Variants in RSRC1 observed in about 807,000 individuals in gnomAD.
The protein encoded by RSRC1 is serine/Arginine-related protein 53.
A neutral mutation model predicts 49.1 loss-of-function variants in RSRC1; 39 were observed. That is an observed-to-expected ratio of 0.79 (90% confidence interval 0.61 to 1.04). The LOEUF (loss-of-function observed/expected upper bound fraction) is 1.04, where lower values mean the gene tolerates loss of function less well. Ranked by LOEUF, RSRC1 falls within the 50% of genes least tolerant of loss-of-function variation. The pLI, the probability that RSRC1 is intolerant of heterozygous loss-of-function variation, is 0.00. For missense variants in RSRC1, 388 were observed against 402.4 expected, an observed-to-expected ratio of 0.96 and a Z score of 0.31; for synonymous variants, 143 against 130.8, an observed-to-expected ratio of 1.09 and a Z score of -0.63.
chr3:158,374,797 T>C (rs1221454956), intron 6 of RSRC1, among the ~76,000 whole-genome samples: 1 of 152,164 alleles, frequency 6.6e-6, no homozygotes, highest in Non-Finnish European at 1.5e-5. Flanking sequence ...ATTTAATACT[T>C]TTTAATTTTT....
At chr3:158,387,113 G>C (rs1005758486) in intron 6 of RSRC1, among the ~76,000 whole-genome samples, 2 of 151,636 alleles carry the variant, frequency 1.3e-5, no homozygotes, top group Non-Finnish European at 2.9e-5. Flanking sequence ...TTCCAGATAT[G>C]ACCTCTGAGT....
At chr3:158,484,526 A>G (rs1401759478) in intron 7 of RSRC1, among the ~76,000 whole-genome samples, 1 of 152,144 alleles carries the variant, frequency 6.6e-6, no homozygotes, top group African/African-American at 2.4e-5. Context: ...TAAAGTGCAA[A>G]AATAACCTGT....
intron 8 of RSRC1, among the ~76,000 whole-genome samples, chr3:158,538,217 A>G (rs1188480135): frequency 2.6e-5 from 4 of 151,932 alleles, no homozygotes; most frequent in South Asian, 4.1e-4. Context: ...TTCAATTACC[A>G]TATACTTTTT....
At chr3:158,468,979 A>G (rs1738008940) in intron 7 of RSRC1, among the ~76,000 whole-genome samples, 1 of 152,156 alleles carries the variant, frequency 6.6e-6, no homozygotes, top group African/African-American at 2.4e-5. Context: ...TATTTGGTAT[A>G]TTACAACTTT....
chr3:158,297,198 G>T (rs994402971), intron 4 of RSRC1, among the ~76,000 whole-genome samples: 1 of 151,954 alleles, frequency 6.6e-6, no homozygotes, highest in African/African-American at 2.4e-5. Flanking sequence ...AATATTGCTT[G>T]ATCAGAATGA....
chr3:158,255,494 AGC>A (rs1724489944), intron 4 of RSRC1, among the ~76,000 whole-genome samples: 1 of 152,210 alleles, frequency 6.6e-6, no homozygotes, highest in Non-Finnish European at 1.5e-5. Context: ...GAAGTCAGGT[AGC>A]ATGATGCCTC....
chr3:158,136,477 G>A (rs1201798665), intron 3 of RSRC1, among the ~76,000 whole-genome samples: 1 of 152,022 alleles, frequency 6.6e-6, no homozygotes, highest in Non-Finnish European at 1.5e-5. Flanking sequence ...TTATTCTGTT[G>A]TATATTTGTA....
At chr3:158,272,355 G>A (rs1160897360) in intron 4 of RSRC1, among the ~76,000 whole-genome samples, 2 of 152,194 alleles carry the variant, frequency 1.3e-5, no homozygotes, top group East Asian at 1.9e-4. Context: ...GGAACCGGCA[G>A]GCTTGATTTG....
chr3:158,460,343 C>T, intron 6 of RSRC1, among the ~76,000 whole-genome samples: 1 of 151,888 alleles, frequency 6.6e-6, no homozygotes, highest in East Asian at 1.9e-4. Context: ...TAATCTTCCT[C>T]AACATCTGTA....
At chr3:158,116,766 G>T (rs553945529) in intron 1 of RSRC1, among the ~76,000 whole-genome samples, 3 of 152,160 alleles carry the variant, frequency 2.0e-5, no homozygotes, top group African/African-American at 7.2e-5. Context: ...ATCCCCAAGG[G>T]TCTACAGGCC....
At position 158,119,916 on chromosome 3, in the gene RSRC1, C is replaced by T. The variant is rs148545225; in HGVS notation, c.-2-2187C>T. Reference sequence around the variant, plus strand: ...CACTATCTCGGCTCACTGCAACCTCCGCCTCCCAGGTTCAAGCGATTCTCC... The same window carrying T: ...CACTATCTCGGCTCACTGCAACCTCTGCCTCCCAGGTTCAAGCGATTCTCC... On this transcript the variant is annotated intron_variant, in intron 1 of 9. Coordinates refer to ENST00000611884, the MANE Select transcript of RSRC1 (RefSeq NM_001271838.2). Among the ~76,000 whole-genome samples, 396 of 148,302 alleles carry T rather than the reference C, an allele frequency of 2.7e-3. 8 individuals carry two copies. The East Asian group carries it at 0.07, about 26-fold the overall frequency.
At chr3:158,421,378 A>G (rs1279697646) in intron 6 of RSRC1, among the ~76,000 whole-genome samples, 1 of 151,912 alleles carries the variant, frequency 6.6e-6, no homozygotes, top group Non-Finnish European at 1.5e-5. Context: ...CACCTGCCTA[A>G]GAAGAATAGA....
intron 3 of RSRC1, among the ~76,000 whole-genome samples, chr3:158,155,530 G>T (rs559021487): frequency 1.4e-3 from 217 of 151,850 alleles, no homozygotes; most frequent in Non-Finnish European, 2.4e-3. Flanking sequence ...TACCTCTCAG[G>T]CTGAAGTGAT....
rs557839162 is a variant in RSRC1, at chr3:158,164,975, A to G, written c.321-38097A>G. Among the ~76,000 whole-genome samples, 26 of 152,294 alleles carry G rather than the reference A, an allele frequency of 1.7e-4. No individual in the cohort carries two copies. In the East Asian group the frequency reaches 3.7e-3, roughly 21 times the overall value. On this transcript the variant is annotated intron_variant, in intron 3 of 9. Transcript: ENST00000611884. ...TCTTTTTGTCCCTGTTTCTCCCTAT[A>G]TAGCCTTCTTGAAGTTTCTCCAAAT...
intron 3 of RSRC1, among the ~76,000 whole-genome samples, chr3:158,149,688 T>C (rs1458944969): frequency 6.6e-6 from 1 of 152,174 alleles, no homozygotes; most frequent in Non-Finnish European, 1.5e-5. Flanking sequence ...TCCTTAAACA[T>C]TATACCTATT....
intron 6 of RSRC1, among the ~76,000 whole-genome samples, chr3:158,430,209 T>C (rs1486306329): frequency 6.6e-6 from 1 of 151,854 alleles, no homozygotes; most frequent in Non-Finnish European, 1.5e-5. Context: ...TAGTGGCTAT[T>C]GTTATTTAAA....
chr3:158,289,295 G>C (rs1197123502), intron 4 of RSRC1, among the ~76,000 whole-genome samples: 3 of 152,080 alleles, frequency 2.0e-5, no homozygotes, highest in Admixed American at 2.0e-4. Context: ...TACTTGACTG[G>C]TTTTAAGTGG....
intron 3 of RSRC1, among the ~76,000 whole-genome samples, chr3:158,178,880 A>G (rs1719421664): frequency 6.6e-6 from 1 of 152,070 alleles, no homozygotes; most frequent in Admixed American, 6.6e-5. Flanking sequence ...GTTTATTCCT[A>G]AATGTTTTAT....
Position 158,537,198 on chromosome 3 carries a change from G to A in RSRC1, c.759G>A (p.Lys253=). Residue 253 remains lysine, a splice_region_variant and synonymous_variant, in exon 8 of 10, where the codon AAG becomes AAA. Transcript: ENST00000611884. ...QTFRSSKEVK[K]SVEPSEVKQA... The stretch of plus-strand genomic sequence containing the variant: ...TCAGATCAAGTAAAGAAGTCAAAAA[G>A]GTAAGTTTTTATCCACCCATTATGA... 5 of 1,563,588 alleles carry A rather than the reference G, an allele frequency of 3.2e-6. No individual in the cohort carries two copies. The highest frequency in any genetic ancestry group is 1.9e-5 in the Admixed American group (1 of 51,902).
Sources: allele counts gnomAD v4.1 joint callset (sites outside exome capture counted in the v4.1 genomes callset), GRCh38; gene constraint gnomAD v4.1.1; transcripts MANE v1.5; gene names NCBI Gene and HGNC (gene_info 2026-07-23, HGNC 2026-07-21).